The following UBE3A variants were observed in gnomAD, a reference collection of about 807,000 sequenced individuals.
The protein encoded by UBE3A is ubiquitin protein ligase E3A, also known as ubiquitin-protein ligase E3A.
In UBE3A, 6 loss-of-function variants were observed where a neutral mutation model predicts 83.4. The ratio of observed to expected loss-of-function variants is 0.07; its 90% CI spans 0.04 to 0.14. UBE3A has a LOEUF of 0.14. Among genes scored for constraint, UBE3A ranks in the 10% least tolerant of loss-of-function variants. UBE3A has a pLI of 1.00. For missense variants in UBE3A, 456 were observed against 1,036.1 expected, an observed-to-expected ratio of 0.44 and a Z score of 7.69; for synonymous variants, 337 against 355.4, an observed-to-expected ratio of 0.95 and a Z score of 0.58.
chr15:25,353,493 T>C (rs1011183106), intron 11 of UBE3A, among the ~76,000 whole-genome samples: 2 of 152,030 alleles, frequency 1.3e-5, no homozygotes, highest in African/African-American at 4.8e-5. Flanking sequence ...GTCCCACCAA[T>C]ACTGAATCTG....
intron 11 of UBE3A, among the ~76,000 whole-genome samples, chr15:25,342,567 A>T (rs966599746): frequency 2.0e-5 from 3 of 152,194 alleles, no homozygotes; most frequent in Non-Finnish European, 4.4e-5. Context: ...AGGTTTCCAC[A>T]TAAAAGTGGT....
intron 6 of UBE3A, among the ~76,000 whole-genome samples, chr15:25,361,616 C>T (rs2078121581): frequency 6.6e-6 from 1 of 151,372 alleles, no homozygotes; most frequent in African/African-American, 2.5e-5. Flanking sequence ...CTTTATGTAT[C>T]TAAAATTTGC....
intron 4 of UBE3A, among the ~76,000 whole-genome samples, chr15:25,398,771 T>TTATTTATATATATATATA (rs1393685515): frequency 2.9e-5 from 2 of 68,956 alleles, no homozygotes; most frequent in Non-Finnish European, 6.4e-5. Context: ...ATTCTTTTAT[T>TTATTTATATATATATATA]TATATATATA....
chr15:25,424,197 C>G (rs1238194803), intron 1 of UBE3A, among the ~76,000 whole-genome samples: 1 of 152,136 alleles, frequency 6.6e-6, no homozygotes, highest in Non-Finnish European at 1.5e-5. Flanking sequence ...CCATCAATTA[C>G]TTTTCTAAAG....
intron 1 of UBE3A, among the ~76,000 whole-genome samples, chr15:25,431,534 G>GGTTT (rs1567198590): frequency 6.6e-6 from 1 of 151,988 alleles, no homozygotes; most frequent in Admixed American, 6.6e-5. Context: ...GTAGAGACAG[G>GGTTT]GTTTCACCAT....
chr15:25,399,192 GCT>G (rs2086480105), intron 4 of UBE3A, among the ~76,000 whole-genome samples: 1 of 151,930 alleles, frequency 6.6e-6, no homozygotes. Context: ...CCATGCAGAA[GCT>G]TTTTAGTTTG....
intron 4 of UBE3A, 125 bp from the exon 5 acceptor site, chr15:25,375,888 A>G: frequency 9.4e-7 from 1 of 1,069,516 alleles, no homozygotes; most frequent in East Asian, 2.5e-5. Context: ...GAAGATGAGA[A>G]GTAGAAAATG....
Position 25,355,180 on chromosome 15 carries a change from T to A in UBE3A, c.2125-497A>T, listed in dbSNP as rs143205986. On this transcript the variant is annotated intron_variant, in intron 9 of 12. Coordinates refer to ENST00000648336, the MANE Select transcript of UBE3A (RefSeq NM_130839.5). The stretch of plus-strand genomic sequence containing the variant: ...CCGTTTTAAGAGAGTACAATATATT[T>A]GATTTAAGCAAACCAGGAAGTCCCA... Among the ~76,000 whole-genome samples, 488 of 152,248 alleles carry A rather than the reference T, an allele frequency of 3.2e-3. 4 individuals are homozygous for A. Among genetic ancestry groups the A allele is most frequent in the African/African-American group, 0.011 (467 of 41,568 alleles).
Position 25,345,238 on chromosome 15 carries a change from C to A in UBE3A, c.2355-5010G>T, listed in dbSNP as rs182667841. Among the ~76,000 whole-genome samples, 14 of 152,182 alleles carry A rather than the reference C, an allele frequency of 9.2e-5. No homozygotes were observed. In the East Asian group the frequency reaches 2.3e-3, roughly 25 times the overall value. On this transcript the variant is annotated intron_variant, in intron 11 of 12. Coordinates refer to ENST00000648336, the MANE Select transcript of UBE3A (RefSeq NM_130839.5). ...AAAGTTTTAAAAAGTTCTACAGGAT[C>A]TAATTTGCAGATGATTACAAAGGGA...
chr15:25,361,779 A>C (rs999612406), intron 6 of UBE3A, among the ~76,000 whole-genome samples: 13 of 152,178 alleles, frequency 8.5e-5, no homozygotes, highest in African/African-American at 3.1e-4. Context: ...ATTTACCAAA[A>C]CAGGATATTA....
At position 25,338,399 on chromosome 15, in the gene UBE3A, A is replaced by AAGAC. The variant is rs1209205997; in HGVS notation, c.*734_*737dup. On this transcript the variant is annotated 3_prime_UTR_variant, in exon 13 of 13. Coordinates refer to ENST00000648336, the MANE Select transcript of UBE3A (RefSeq NM_130839.5). The stretch of plus-strand genomic sequence containing the variant: ...ATTGGCTACTGAAACAGTTCATTGC[A>AAGAC]AGACACATGAAGACGACATACTGTG... The AAGAC allele has an allele frequency of 5.3e-5, 8 of 151,372 alleles. No individual in the cohort carries two copies. Among genetic ancestry groups the AAGAC allele is most frequent in the Non-Finnish European group, 1.5e-5 (1 of 67,974 alleles). The allele number at this position is 151,372 out of a possible 1,614,324, so 9.4% of individuals were successfully genotyped here. A position where few individuals can be genotyped will look rare whatever the true frequency, so the allele number is the denominator to read the frequency against.
intron 7 of UBE3A, 118 bp downstream of exon 7, chr15:25,360,265 C>G: frequency 7.4e-7 from 1 of 1,353,154 alleles, no homozygotes; most frequent in Non-Finnish European, 1.0e-6. Flanking sequence ...TCTGGGTAAT[C>G]CATACCAAAT....
At chr15:25,373,835 A>C (rs1484838667) in intron 5 of UBE3A, 1 of 152,180 alleles carries the variant, frequency 6.6e-6, no homozygotes, top group East Asian at 1.9e-4. Flanking sequence ...ATTAGTCAAA[A>C]AACACTGTAA....
At position 25,427,463 on chromosome 15, in the gene UBE3A, C is replaced by T. The variant is rs111369098; in HGVS notation, c.-165+11026G>A. ...GGTAAGGCTCAGAAAGTAGACAGAACCCTATCAAAGCAAAATTTTAAATAG... is the reference window on the plus strand; with the variant it reads ...GGTAAGGCTCAGAAAGTAGACAGAATCCTATCAAAGCAAAATTTTAAATAG... On this transcript the variant is annotated intron_variant, in intron 1 of 12. Coordinates refer to ENST00000648336, the MANE Select transcript of UBE3A (RefSeq NM_130839.5). Among the ~76,000 whole-genome samples the T allele has an allele frequency of 2.0e-3, 306 of 151,882 alleles. 2 individuals carry two copies. Among genetic ancestry groups the T allele is most frequent in the African/African-American group, 7.0e-3 (290 of 41,392 alleles).
At chr15:25,434,437 A>G (rs1894391562) in intron 1 of UBE3A, among the ~76,000 whole-genome samples, 2 of 152,176 alleles carry the variant, frequency 1.3e-5, no homozygotes, top group African/African-American at 4.8e-5. Context: ...ATCTTTTTAC[A>G]AAGGACTTAT....
intron 6 of UBE3A, among the ~76,000 whole-genome samples, chr15:25,361,753 A>C (rs1043680872): frequency 1.1e-4 from 17 of 152,178 alleles, no homozygotes; most frequent in Non-Finnish European, 2.5e-4. Context: ...AAAAAAATTT[A>C]ATCTTGGAGA....
intron 1 of UBE3A, among the ~76,000 whole-genome samples, chr15:25,435,257 CACAAAT>C (rs1029236253): frequency 2.0e-5 from 3 of 148,960 alleles, no homozygotes; most frequent in African/African-American, 7.4e-5. Context: ...CACACACACA[CACAAAT>C]GTGAGAAAGT....
chr15:25,391,370 A>C (rs113211966), intron 4 of UBE3A, among the ~76,000 whole-genome samples: 2 of 152,336 alleles, frequency 1.3e-5, no homozygotes, highest in African/African-American at 4.8e-5. Context: ...TTGTTCAATG[A>C]ATGTAGAGTT....
At chr15:25,397,521 A>C (rs2085861578) in intron 4 of UBE3A, among the ~76,000 whole-genome samples, 5 of 152,128 alleles carry the variant, frequency 3.3e-5, no homozygotes, top group Admixed American at 3.3e-4. Flanking sequence ...ACTACTTTAC[A>C]TAATGGCCCC....
Sources: gnomAD v4.1 joint callset for allele counts (sites outside exome capture counted in the v4.1 genomes callset) on GRCh38, gnomAD v4.1.1 for gene constraint, MANE v1.5 for transcripts, NCBI Gene and HGNC (gene_info 2026-07-23, HGNC 2026-07-21) for gene names.